CHRM5: variants seen among roughly 807,000 people sequenced by gnomAD.
CHRM5 encodes muscarinic acetylcholine receptor M5.
A neutral mutation model predicts 39.0 loss-of-function variants in CHRM5; 18 were observed. The observed-to-expected ratio is 0.46, with a 90% CI of 0.32 to 0.68. The LOEUF (loss-of-function observed/expected upper bound fraction) is 0.68. CHRM5 is among the 30% of genes least tolerant of loss of function. CHRM5 has a pLI of 0.04. For synonymous variants in CHRM5, 241 were observed against 246.3 expected (o/e 0.98, Z 0.20); for missense variants, 515 against 651.1 (o/e 0.79, Z 2.28).
Position 34,064,676 on chromosome 15 carries a change from T to C in CHRM5, c.*360T>C. On this transcript the variant is annotated 3_prime_UTR_variant, in exon 3 of 3. Coordinates refer to ENST00000383263, the MANE Select transcript of CHRM5 (RefSeq NM_012125.4). ...AAACAGCAGAGACCAGGTGGAAACC[T>C]TTTCCTGTGGAAACCTGTCATAGAA... 1 of 240,478 alleles carries C rather than the reference T, an allele frequency of 4.2e-6. No individual in the cohort carries two copies. The highest frequency in any genetic ancestry group is 8.7e-6 in the Non-Finnish European group (1 of 114,816). 14.9% of individuals were successfully genotyped at this position (240,478 alleles called of 1,614,324 possible).
chr15:34,023,908 T>C (rs1029990167), intron 1 of CHRM5, among the ~76,000 whole-genome samples: 9 of 152,188 alleles, frequency 5.9e-5, no homozygotes, highest in African/African-American at 2.2e-4. Flanking sequence ...TTTTTATTGA[T>C]GGCAAAATAG....
At chr15:34,053,319 A>AAAATAT (rs775436850) in intron 2 of CHRM5, among the ~76,000 whole-genome samples, 65 of 42,044 alleles carry the variant, frequency 1.5e-3, no homozygotes, top group South Asian at 4.5e-3. Context: ...AAAAAAAAAA[A>AAAATAT]ATATATATAT....
Position 34,065,487 on chromosome 15 carries a change from T to A in CHRM5, c.*1171T>A, listed in dbSNP as rs1294840563. On this transcript the variant is annotated 3_prime_UTR_variant, in exon 3 of 3. Transcript: ENST00000383263. ...GGTGGGGGTAGAAAGTCTTTTTTTA[T>A]AGGTCCTTCAAATCAGGGCCTAAAA... 2.0e-5 allele frequency: 3 copies of A among 152,198 alleles called. No homozygotes were observed. The allele number at this position is 152,198 out of a possible 1,614,324, so 9.4% of individuals were successfully genotyped here. A position where few individuals can be genotyped will look rare whatever the true frequency, so the allele number is the denominator to read the frequency against.
At chr15:33,971,246 C>T (rs1360520981) in intron 1 of CHRM5, among the ~76,000 whole-genome samples, 1 of 151,924 alleles carries the variant, frequency 6.6e-6, no homozygotes, top group Non-Finnish European at 1.5e-5. Flanking sequence ...AATGACCTGC[C>T]TACTTGTTTC....
intron 1 of CHRM5, among the ~76,000 whole-genome samples, chr15:34,022,915 C>T (rs1038404450): frequency 2.0e-5 from 3 of 152,196 alleles, no homozygotes; most frequent in East Asian, 1.9e-4. Context: ...AGGCCGGGCG[C>T]GGTGGCTCAC....
intron 1 of CHRM5, among the ~76,000 whole-genome samples, chr15:33,971,481 C>T (rs1186320681): frequency 1.3e-5 from 2 of 151,892 alleles, no homozygotes; most frequent in Non-Finnish European, 2.9e-5. Context: ...AAAATGGCAT[C>T]TAGGTCAAAA....
At chr15:33,994,009 T>G in intron 1 of CHRM5, among the ~76,000 whole-genome samples, 1 of 152,216 alleles carries the variant, frequency 6.6e-6, no homozygotes, top group East Asian at 1.9e-4. Flanking sequence ...CTTCTGAACA[T>G]ACAGCTGTGA....
At chr15:34,050,323 T>C (rs1899889010) in intron 2 of CHRM5, among the ~76,000 whole-genome samples, 1 of 152,194 alleles carries the variant, frequency 6.6e-6, no homozygotes, top group Non-Finnish European at 1.5e-5. Context: ...GGGCCTGCCT[T>C]GCAAGAGCTC....
chr15:34,055,829 TAAAC>T (rs935074559), intron 2 of CHRM5, among the ~76,000 whole-genome samples: 11 of 152,140 alleles, frequency 7.2e-5, no homozygotes, highest in African/African-American at 1.2e-4. Flanking sequence ...TAAATAAAAA[TAAAC>T]AAATAAATAA....
chr15:34,023,059 C>T (rs1177698128), intron 1 of CHRM5, among the ~76,000 whole-genome samples: 1 of 152,122 alleles, frequency 6.6e-6, no homozygotes, highest in East Asian at 1.9e-4. Context: ...TGGTGGTGTG[C>T]GCCTGTAGTC....
At chr15:34,027,938 T>A (rs1159866450) in intron 1 of CHRM5, among the ~76,000 whole-genome samples, 13 of 151,958 alleles carry the variant, frequency 8.6e-5, no homozygotes. Context: ...GATATACACA[T>A]GTCCAAGGCT....
chr15:34,029,936 G>C (rs1458593075), intron 1 of CHRM5, among the ~76,000 whole-genome samples: 2 of 152,126 alleles, frequency 1.3e-5, no homozygotes, highest in African/African-American at 4.8e-5. Flanking sequence ...TCACTAGAAT[G>C]TGAACTCTAG....
intron 1 of CHRM5, among the ~76,000 whole-genome samples, chr15:34,001,922 GTAT>G (rs754196455): frequency 2.0e-5 from 3 of 152,078 alleles, no homozygotes; most frequent in Non-Finnish European, 4.4e-5. Flanking sequence ...CAGTCCCAAA[GTAT>G]TATTTTTGTT....
At chr15:34,038,359 A>G (rs1043884799) in intron 1 of CHRM5, among the ~76,000 whole-genome samples, 4 of 152,116 alleles carry the variant, frequency 2.6e-5, no homozygotes, top group African/African-American at 9.7e-5. Flanking sequence ...TTCCCTCCTA[A>G]TAACAGGAGC....
intron 2 of CHRM5, among the ~76,000 whole-genome samples, chr15:34,051,476 A>T (rs1489874296): frequency 6.6e-6 from 1 of 152,258 alleles, no homozygotes; most frequent in Non-Finnish European, 1.5e-5. Context: ...GAAGATGACA[A>T]GAAATAACTA....
intron 1 of CHRM5, among the ~76,000 whole-genome samples, chr15:33,976,027 G>A (rs1287189639): frequency 1.3e-5 from 2 of 152,204 alleles, no homozygotes; most frequent in African/African-American, 4.8e-5. Flanking sequence ...GTTGTCCTGA[G>A]TTGTTTCCAG....
At chr15:34,001,064 A>G (rs183794746) in intron 1 of CHRM5, among the ~76,000 whole-genome samples, 75 of 138,594 alleles carry the variant, frequency 5.4e-4, no homozygotes, top group East Asian at 2.3e-3. Flanking sequence ...CTTGTTGCCC[A>G]GGCTGGAGTG....
intron 1 of CHRM5, chr15:34,003,307 A>G (rs1897212396): frequency 1.0e-6 from 1 of 971,168 alleles, no homozygotes; most frequent in African/African-American, 1.7e-5. Flanking sequence ...ATAACAATAA[A>G]AAGCAATAGA....
intron 1 of CHRM5, among the ~76,000 whole-genome samples, chr15:33,998,906 C>A (rs571883457): frequency 2.0e-5 from 3 of 152,180 alleles, no homozygotes; most frequent in Non-Finnish European, 2.9e-5. Context: ...TACATTCTCA[C>A]GACTTTAAAT....
Sources: allele counts gnomAD v4.1 joint callset (sites outside exome capture counted in the v4.1 genomes callset), GRCh38; gene constraint gnomAD v4.1.1; transcripts MANE v1.5; gene names NCBI Gene and HGNC (gene_info 2026-07-23, HGNC 2026-07-21).